Variants in YEATS2 observed in about 807,000 individuals in gnomAD.
The protein encoded by YEATS2 is YEATS domain containing 2, also known as YEATS domain-containing protein 2.
In YEATS2, 77 loss-of-function variants were observed where a neutral mutation model predicts 163.2. That is an observed-to-expected ratio of 0.47 (90% confidence interval 0.39 to 0.57). The LOEUF (loss-of-function observed/expected upper bound fraction) is 0.57. Among genes scored for constraint, YEATS2 ranks in the 20% least tolerant of loss-of-function variants. YEATS2 has a pLI of 0.00. For missense variants in YEATS2, 1,549 were observed against 1,729.8 expected (o/e 0.90, Z 1.85); for synonymous variants, 631 against 645.1 (o/e 0.98, Z 0.33).
chr3:183,725,041 CTTTTTTTTT>C (rs62826962), intron 6 of YEATS2, among the ~76,000 whole-genome samples: 4 of 87,504 alleles, frequency 4.6e-5, no homozygotes, highest in South Asian at 4.9e-4. Flanking sequence ...CCGTGCCGGC[CTTTTTTTTT>C]TTTTTTTTTT....
At position 183,711,397 on chromosome 3, in the gene YEATS2, C is replaced by T. The variant is rs188016255; in HGVS notation, c.-19-3747C>T. ...CTGAGGCAGGAGAATGGCGTGAACC[C>T]GGGAGGTGGAGCTTGCAGTGAGCTG... On this transcript the variant is annotated intron_variant, in intron 1 of 30. Transcript: ENST00000305135. 2.1e-4 allele frequency among the ~76,000 whole-genome samples: 30 copies of T among 144,886 alleles called. No homozygotes were observed. The East Asian group carries it at 3.1e-3, about 15-fold the overall frequency.
chr3:183,761,362 C>T (rs1721331049), intron 13 of YEATS2, 145 bp from the exon 14 acceptor site: 2 of 719,686 alleles, frequency 2.8e-6, no homozygotes, highest in Non-Finnish European at 4.6e-6. Flanking sequence ...GCTGGGAGTA[C>T]AGGCGTGAGC....
chr3:183,798,188 C>A, intron 22 of YEATS2, 137 bp downstream of exon 22: 1 of 1,299,894 alleles, frequency 7.7e-7, no homozygotes, highest in Non-Finnish European at 1.0e-6. Flanking sequence ...GTACAGCCAC[C>A]CTTCAGCTGT....
Position 183,704,098 on chromosome 3 carries a change from C to T in YEATS2, c.-20+6105C>T, listed in dbSNP as rs184276911. On this transcript the variant is annotated intron_variant, in intron 1 of 30. Transcript: ENST00000305135. The stretch of plus-strand genomic sequence containing the variant: ...CCTGGGAGGCAGAGGTTGCAGTGAG[C>T]CGATATTGCGCCACTGCAATCCAGC... 5.3e-5 allele frequency among the ~76,000 whole-genome samples: 8 copies of T among 151,832 alleles called. No individual in the cohort carries two copies. In the East Asian group the frequency reaches 1.4e-3, roughly 26 times the overall value.
rs1374657437 is a variant in YEATS2, at chr3:183,700,424, T to C, written c.-20+2431T>C. 2.0e-5 allele frequency among the ~76,000 whole-genome samples: 3 copies of C among 152,212 alleles called. No homozygotes were observed. In the East Asian group the frequency reaches 5.8e-4, roughly 29 times the overall value. ...CTTCTCATCAACTACGGATTTTTAT[T>C]TGAATGTTCATTGCCACGTTCTTGG... is the stretch of plus-strand genomic sequence containing the variant. On this transcript the variant is annotated intron_variant, in intron 1 of 30. Transcript: ENST00000305135.
At chr3:183,706,615 G>A (rs1359216828) in intron 1 of YEATS2, among the ~76,000 whole-genome samples, 1 of 152,172 alleles carries the variant, frequency 6.6e-6, no homozygotes, top group Non-Finnish European at 1.5e-5. Context: ...TCGGGAGTTC[G>A]AGACCAGCAT....
chr3:183,753,863 A>C lies in YEATS2; in HGVS notation c.1151-263A>C, dbSNP rs540905604. Reference sequence around the variant, plus strand: ...ATATATTAAAAAATGGAGGAACATAAGAACTTTTGTTCTTTTTATGTTATA... The same window carrying C: ...ATATATTAAAAAATGGAGGAACATACGAACTTTTGTTCTTTTTATGTTATA... On this transcript the variant is annotated intron_variant, in intron 10 of 30. Transcript: ENST00000305135. Among the ~76,000 whole-genome samples the C allele has an allele frequency of 2.0e-5, 3 of 152,216 alleles. No individual in the cohort carries two copies. In the East Asian group the frequency reaches 5.8e-4, roughly 29 times the overall value.
intron 19 of YEATS2, among the ~76,000 whole-genome samples, chr3:183,784,777 TAA>T (rs35365965): frequency 4.7e-4 from 64 of 134,854 alleles, no homozygotes; most frequent in Non-Finnish European, 4.2e-4. Context: ...CTCTTGCCAT[TAA>T]AAAAAAAAAA....
At chr3:183,711,024 T>C (rs1343664360) in intron 1 of YEATS2, among the ~76,000 whole-genome samples, 1 of 152,202 alleles carries the variant, frequency 6.6e-6, no homozygotes, top group African/African-American at 2.4e-5. Flanking sequence ...TGTTTTTAGA[T>C]TCCTATCTGC....
intron 19 of YEATS2, among the ~76,000 whole-genome samples, chr3:183,782,302 T>G (rs1723647157): frequency 6.6e-6 from 1 of 151,460 alleles, no homozygotes; most frequent in Non-Finnish European, 1.5e-5. Context: ...AGAGACGAGG[T>G]TTCTCTATGT....
chr3:183,761,095 T>C (rs1721300829), intron 13 of YEATS2, among the ~76,000 whole-genome samples: 1 of 152,152 alleles, frequency 6.6e-6, no homozygotes, highest in South Asian at 2.1e-4. Context: ...GTTTTTTTCT[T>C]TCTTTTTTTT....
intron 27 of YEATS2, chr3:183,806,089 A>G (rs916496850): frequency 3.7e-5 from 13 of 352,922 alleles, no homozygotes; most frequent in Non-Finnish European, 6.7e-5. Context: ...TGACTTTACA[A>G]TGGTCTGAAA....
chr3:183,717,422 G>C (rs1237321225), intron 2 of YEATS2, among the ~76,000 whole-genome samples: 1 of 152,080 alleles, frequency 6.6e-6, no homozygotes, highest in Non-Finnish European at 1.5e-5. Flanking sequence ...TTTTTGACAG[G>C]AATACCATAG....
Position 183,807,072 on chromosome 3 carries a change from A to G in YEATS2, c.3991A>G (p.Ile1331Val), listed in dbSNP as rs771481669. 2 of 1,613,692 alleles carry G rather than the reference A, an allele frequency of 1.2e-6. No individual in the cohort carries two copies. The highest frequency in any genetic ancestry group is 4.5e-5 in the East Asian group (2 of 44,886). The change falls in exon 28 of 31, where the codon ATT becomes GTT. Residue 1331 changes from isoleucine to valine, a missense_variant. Physicochemically the swap from Ile to Val is conservative, Grantham distance 29. Coordinates refer to ENST00000305135, the MANE Select transcript of YEATS2 (RefSeq NM_018023.5). ...GCCACCAACCCCAGGGTCTGAATTT[A>G]TTGGGGATGTCACACAGAAGGTAGG... ...YLPPTPGSEF[I>V]GDVTQKIGIT... is the part of the protein sequence containing the mutation.
At chr3:183,750,099 T>C (rs945390369) in intron 9 of YEATS2, among the ~76,000 whole-genome samples, 1 of 151,856 alleles carries the variant, frequency 6.6e-6, no homozygotes, top group Non-Finnish European at 1.5e-5. Flanking sequence ...GCTGGGATTA[T>C]AGGCATGAGC....
intron 20 of YEATS2, among the ~76,000 whole-genome samples, chr3:183,789,319 A>G (rs1386190422): frequency 6.6e-6 from 1 of 152,018 alleles, no homozygotes; most frequent in Non-Finnish European, 1.5e-5. Context: ...GTCTAGTTTC[A>G]TTCTTCTGCA....
chr3:183,793,067 G>A (rs1724808115), intron 21 of YEATS2: 1 of 1,096,176 alleles, frequency 9.1e-7, no homozygotes, highest in Non-Finnish European at 1.2e-6. Flanking sequence ...AAATGTCGCA[G>A]CACTATCGAA....
intron 5 of YEATS2, among the ~76,000 whole-genome samples, chr3:183,724,118 C>G (rs986468748): frequency 6.6e-6 from 1 of 152,106 alleles, no homozygotes; most frequent in African/African-American, 2.4e-5. Flanking sequence ...ATTCCTGTTT[C>G]CCAGAAGTAA....
chr3:183,786,391 C>A, intron 20 of YEATS2, 90 bp downstream of exon 20: 1 of 1,264,454 alleles, frequency 7.9e-7, no homozygotes, highest in Non-Finnish European at 1.1e-6. Context: ...ACCAGTGGAC[C>A]TTTTAAAAAT....
Sources: allele counts gnomAD v4.1 joint callset (sites outside exome capture counted in the v4.1 genomes callset), GRCh38; gene constraint gnomAD v4.1.1; transcripts MANE v1.5; gene names NCBI Gene and HGNC (gene_info 2026-07-23, HGNC 2026-07-21).